Variants in RSPH14 observed in about 807,000 individuals in gnomAD.
The protein encoded by RSPH14 is radial spoke head 14 homolog.
RSPH14 carries 20 observed loss-of-function variants against 26.7 expected under a neutral mutation model. That is an observed-to-expected ratio of 0.75 (90% CI 0.53 to 1.09). The LOEUF (loss-of-function observed/expected upper bound fraction) is 1.09. Ranked by LOEUF, RSPH14 falls within the 50% of genes least tolerant of loss-of-function variation. The pLI, the probability that RSPH14 is intolerant of heterozygous loss-of-function variation, is 0.00. For missense variants in RSPH14, 449 were observed against 457.2 expected (o/e 0.98, Z 0.16); for synonymous variants, 177 against 189.3 (o/e 0.93, Z 0.53).
chr22:23,089,601 T>G (rs934558845), intron 4 of RSPH14, among the ~76,000 whole-genome samples: 1 of 152,096 alleles, frequency 6.6e-6, no homozygotes, highest in African/African-American at 2.4e-5. Context: ...GGGCTATCAC[T>G]CAACATCTGT....
intron 1 of RSPH14, among the ~76,000 whole-genome samples, chr22:23,141,486 A>G (rs1168344997): frequency 6.6e-6 from 1 of 152,158 alleles, no homozygotes; most frequent in Non-Finnish European, 1.5e-5. Context: ...GTCTTTCTGC[A>G]GCTTCAAAGG....
At chr22:23,158,955 C>G in the RSPH14 span, 8 of 1,614,152 alleles carry the variant, frequency 5.0e-6, no homozygotes, top group Admixed American at 1.3e-4. Context: ...TCATCTTCCT[C>G]GTGGGAACCA....
At chr22:23,125,939 GCA>G (rs1421608054) in intron 4 of RSPH14, among the ~76,000 whole-genome samples, 20 of 152,294 alleles carry the variant, frequency 1.3e-4, no homozygotes, top group South Asian at 8.3e-4. Flanking sequence ...ACAAGCACAT[GCA>G]CACACGCGCA....
the RSPH14 span, among the ~76,000 whole-genome samples, chr22:23,171,477 T>C: frequency 6.6e-6 from 1 of 152,228 alleles, no homozygotes; most frequent in African/African-American, 2.4e-5. Flanking sequence ...AATGCCCAGC[T>C]AGAATTTCAA....
Position 23,064,092 on chromosome 22 carries a change from C to G in RSPH14, c.463G>C (p.Val155Leu). 1 of 1,614,180 alleles carries G rather than the reference C, an allele frequency of 6.2e-7. No homozygotes were observed. The highest frequency in any genetic ancestry group is 2.2e-5 in the East Asian group (1 of 44,870). ...TCCACCTCCACCTGCAGCTTCCATACCAGTGAGGAAATCAGACCTTTGCTG... is the reference window on the plus strand; with the variant it reads ...TCCACCTCCACCTGCAGCTTCCATAGCAGTGAGGAAATCAGACCTTTGCTG... ...IISKGLISSLVWKLQVEVEEE... is the reference protein window; with the variant it reads ...IISKGLISSLLWKLQVEVEEE... Residue 155 changes from valine to leucine, a missense_variant, in exon 5 of 7, where the codon GTA becomes CTA. Physicochemically the swap from Val to Leu is conservative, Grantham distance 32 (BLOSUM62 1). Coordinates refer to ENST00000216036, the MANE Select transcript of RSPH14 (RefSeq NM_014433.3).
upstream of RSPH14, chr22:23,149,926 C>T (rs548417603): frequency 1.4e-6 from 1 of 701,694 alleles, no homozygotes; most frequent in African/African-American, 1.7e-5. Context: ...ACAAATGGGT[C>T]AGGGAAAGCT....
intron 4 of RSPH14, among the ~76,000 whole-genome samples, chr22:23,077,155 C>T (rs538977668): frequency 6.6e-6 from 1 of 152,284 alleles, no homozygotes; most frequent in Admixed American, 6.5e-5. Flanking sequence ...ACTGGTGAAC[C>T]TCACCACTGT....
intron 4 of RSPH14, among the ~76,000 whole-genome samples, chr22:23,113,699 A>G (rs1271259816): frequency 2.0e-5 from 3 of 152,190 alleles, no homozygotes; most frequent in Admixed American, 1.3e-4. Flanking sequence ...ACCTCGGCGC[A>G]TCATCAGATG....
intron 4 of RSPH14, among the ~76,000 whole-genome samples, chr22:23,072,449 G>A (rs1164317321): frequency 6.6e-6 from 1 of 152,214 alleles, no homozygotes; most frequent in African/African-American, 2.4e-5. Context: ...GAGACAGGAG[G>A]TGAATAAGAC....
intron 4 of RSPH14, among the ~76,000 whole-genome samples, chr22:23,078,625 C>G (rs1035862412): frequency 7.9e-5 from 12 of 152,234 alleles, no homozygotes; most frequent in Non-Finnish European, 1.3e-4. Context: ...GTGGCCACTG[C>G]GGTCCCCAGG....
chr22:23,114,759 T>C (rs1032936261), intron 4 of RSPH14, among the ~76,000 whole-genome samples: 1 of 152,208 alleles, frequency 6.6e-6, no homozygotes, highest in African/African-American at 2.4e-5. Flanking sequence ...AGCAGGAGGT[T>C]GGGCCTGCAT....
intron 4 of RSPH14, among the ~76,000 whole-genome samples, chr22:23,072,767 T>C (rs1381815816): frequency 6.6e-6 from 1 of 152,208 alleles, no homozygotes; most frequent in African/African-American, 2.4e-5. Context: ...GGGAATGGAT[T>C]CTTCCCTCTG....
At chr22:23,145,666 A>C, upstream of RSPH14, 7 of 1,216,316 alleles carry the variant, frequency 5.8e-6, no homozygotes, top group Non-Finnish European at 7.8e-6. Context: ...CGCCCCTATA[A>C]CTTGAAAGCG....
At chr22:23,158,310 TA>T in the RSPH14 span, among the ~76,000 whole-genome samples, 2 of 152,236 alleles carry the variant, frequency 1.3e-5, no homozygotes, top group East Asian at 3.9e-4. Context: ...CAACCTGCTT[TA>T]ATACACTGCC....
At chr22:23,108,716 A>G (rs6003511) in intron 4 of RSPH14, among the ~76,000 whole-genome samples, 15,972 of 152,294 alleles carry the variant, frequency 0.1, 2,659 homozygotes, top group African/African-American at 0.35. Context: ...CTGCCTCATA[A>G]GCTGTGTCAT....
At chr22:23,067,550 T>G (rs981980116) in intron 4 of RSPH14, among the ~76,000 whole-genome samples, 3 of 152,232 alleles carry the variant, frequency 2.0e-5, no homozygotes, top group African/African-American at 7.2e-5. Flanking sequence ...CCACTGGGCC[T>G]GCCTTTGCTC....
the RSPH14 span, among the ~76,000 whole-genome samples, chr22:23,150,679 G>A: frequency 2.0e-5 from 3 of 152,130 alleles, no homozygotes; most frequent in African/African-American, 7.2e-5. Flanking sequence ...AGTCACGCAG[G>A]TGATTTTTCA....
intron 4 of RSPH14, chr22:23,095,963 G>A (rs780469417): frequency 2.3e-5 from 37 of 1,611,676 alleles, no homozygotes; most frequent in Non-Finnish European, 2.6e-5. Context: ...GGCCCTGGCC[G>A]CCCTCAGGAT....
intron 4 of RSPH14, among the ~76,000 whole-genome samples, chr22:23,118,443 G>A (rs1163305886): frequency 2.0e-5 from 3 of 152,224 alleles, no homozygotes; most frequent in Non-Finnish European, 4.4e-5. Flanking sequence ...AGCAGTGAAT[G>A]GTGGTGTGTT....
Sources: allele counts gnomAD v4.1 joint callset (sites outside exome capture counted in the v4.1 genomes callset), GRCh38; gene constraint gnomAD v4.1.1; transcripts MANE v1.5; gene names NCBI Gene and HGNC (gene_info 2026-07-23, HGNC 2026-07-21).